TRIM62: variants seen among roughly 807,000 people sequenced by gnomAD.
TRIM62 encodes E3 ubiquitin-protein ligase TRIM62.
In TRIM62, 39 loss-of-function variants were observed where a neutral mutation model predicts 44.2. The ratio of observed to expected loss-of-function variants is 0.88; its 90% CI spans 0.68 to 1.15. The LOEUF (loss-of-function observed/expected upper bound fraction) is 1.15, where lower values mean the gene tolerates loss of function less well. TRIM62 is among the 50% of genes most tolerant of loss of function. The pLI, the probability that TRIM62 is intolerant of heterozygous loss-of-function variation, is 0.00. For synonymous variants in TRIM62, 278 were observed against 292.3 expected (o/e 0.95, Z 0.50); for missense variants, 544 against 665.5 (o/e 0.82, Z 2.01).
In TRIM62 at chr1:33,165,549, T is replaced by G. The variant is rs1645320413; in HGVS notation, c.426A>C (p.Gln142His). 1 of 1,609,362 alleles carries G rather than the reference T, an allele frequency of 6.2e-7. No homozygotes were observed. Reference sequence around the variant, plus strand: ...GCTCGCTGTCTTGAAGGGCCTGAAGTTGGTCCTTCAGCTCCCTCTGAAACA... The same window carrying G: ...GCTCGCTGTCTTGAAGGGCCTGAAGGTGGTCCTTCAGCTCCCTCTGAAACA... ...FDELQRELKDQLQALQDSERE... is the reference protein window; with the variant it reads ...FDELQRELKDHLQALQDSERE... The change falls in exon 2 of 5, where the codon CAA becomes CAC. Residue 142 changes from glutamine (Q) to histidine (H), a missense_variant. Transcript: ENST00000291416. The surrounding 1 kb of genome is among the most constrained non-coding windows in gnomAD (Gnocchi z 4.0).
chr1:33,170,511 G>A (rs911295719), intron 1 of TRIM62, among the ~76,000 whole-genome samples: 13 of 152,166 alleles, frequency 8.5e-5, no homozygotes, highest in African/African-American at 2.4e-4. Context: ...CCCTGGCCTC[G>A]CTGAGTCTTC....
chr1:33,171,845 G>A (rs1289152916), intron 1 of TRIM62, among the ~76,000 whole-genome samples: 2 of 152,046 alleles, frequency 1.3e-5, no homozygotes, highest in Non-Finnish European at 2.9e-5. Context: ...GTAGTGGTGC[G>A]ATCTTGGCTC....
intron 4 of TRIM62, among the ~76,000 whole-genome samples, chr1:33,152,023 A>G (rs1383914369): frequency 6.6e-6 from 1 of 152,246 alleles, no homozygotes; most frequent in Non-Finnish European, 1.5e-5. Flanking sequence ...TCAGTCCCTC[A>G]GATGTACAGG....
chr1:33,165,387 G>C lies in TRIM62; in HGVS notation c.504+84C>G. 1.2e-5 allele frequency: 13 copies of C among 1,117,332 alleles called. No homozygotes were observed. The highest frequency in any genetic ancestry group is 1.6e-5 in the African/African-American group (1 of 64,290). 69.2% of individuals were successfully genotyped at this position (1,117,332 alleles called of 1,614,324 possible). A position where few individuals can be genotyped will look rare whatever the true frequency, so the allele number is the denominator to read the frequency against. ...GTTTCCACCGCACACCCGAGGCCCC[G>C]CCCCTCTTCCCCAGCTGGCCCCGCC... On this transcript the variant is annotated intron_variant, in intron 2 of 4. Coordinates refer to ENST00000291416, the MANE Select transcript of TRIM62 (RefSeq NM_018207.3). This position sits in a 1 kb window ranked among gnomAD's most constrained non-coding sequence, Gnocchi z 4.0.
Position 33,165,508 on chromosome 1 carries a change from G to A in TRIM62, c.467C>T (p.Ala156Val). The change falls in exon 2 of 5, where the codon GCG (alanine) becomes GTG (valine). Residue 156 changes from alanine to valine, a missense_variant. By Grantham distance (64) the Ala-to-Val change is moderately conservative. Coordinates refer to ENST00000291416, the MANE Select transcript of TRIM62 (RefSeq NM_018207.3). The surrounding 1 kb of genome is among the most constrained non-coding windows in gnomAD (Gnocchi z 4.0). ...CAGTTGTCGCTTGAGCAGCTGCAGC[G>A]CTTCGGTGTGTTCCCGCTCGCTGTC... ...LQDSEREHTE[A>V]LQLLKRQLAE... 1 of 1,609,808 alleles carries A rather than the reference G, an allele frequency of 6.2e-7. No homozygotes were observed. Among genetic ancestry groups the A allele is most frequent in the Non-Finnish European group, 8.5e-7 (1 of 1,178,216 alleles).
chr1:33,160,554 G>A (rs924505684), intron 2 of TRIM62, among the ~76,000 whole-genome samples: 1 of 151,946 alleles, frequency 6.6e-6, no homozygotes, highest in Non-Finnish European at 1.5e-5. Flanking sequence ...ACAGGAGCCC[G>A]CCACTATGCC....
intron 1 of TRIM62, among the ~76,000 whole-genome samples, chr1:33,180,809 G>C (rs1472038915): frequency 6.6e-6 from 1 of 152,132 alleles, no homozygotes; most frequent in African/African-American, 2.4e-5. Flanking sequence ...TCAGGGTCCG[G>C]ACTGCCCAAG....
intron 4 of TRIM62, among the ~76,000 whole-genome samples, chr1:33,156,078 C>T (rs912604448): frequency 2.0e-5 from 3 of 152,214 alleles, no homozygotes; most frequent in African/African-American, 7.2e-5. Context: ...ACTGTCTGGG[C>T]TCCCAGCAGA....
At chr1:33,148,223 C>G (rs929018438) in intron 4 of TRIM62, among the ~76,000 whole-genome samples, 5 of 152,184 alleles carry the variant, frequency 3.3e-5, no homozygotes, top group Non-Finnish European at 7.3e-5. Context: ...CTGCCCCACA[C>G]CTTCCCCGAC....
chr1:33,180,062 TCAA>T (rs35515558), intron 1 of TRIM62, among the ~76,000 whole-genome samples: 119,587 of 151,360 alleles, frequency 0.79, 47,369 homozygotes, highest in African/African-American at 0.86. Flanking sequence ...TGAGCAAGGC[TCAA>T]TAAAAGTTGA....
At chr1:33,153,804 A>T (rs1033429440) in intron 4 of TRIM62, among the ~76,000 whole-genome samples, 3 of 152,234 alleles carry the variant, frequency 2.0e-5, no homozygotes, top group Non-Finnish European at 2.9e-5. Context: ...CTATTCTAGA[A>T]ACAGAACTGA....
At chr1:33,157,356 A>C (rs1645193430) in intron 4 of TRIM62, among the ~76,000 whole-genome samples, 1 of 152,072 alleles carries the variant, frequency 6.6e-6, no homozygotes, top group East Asian at 1.9e-4. Context: ...CCATGCCAGG[A>C]GCACTCTTCC....
chr1:33,179,889 A>G (rs1645447112), intron 1 of TRIM62, among the ~76,000 whole-genome samples: 1 of 151,592 alleles, frequency 6.6e-6, no homozygotes. Flanking sequence ...TAATATGCAA[A>G]TGCACACTGA....
intron 1 of TRIM62, among the ~76,000 whole-genome samples, chr1:33,175,404 C>T (rs976494666): frequency 6.6e-6 from 1 of 152,146 alleles, no homozygotes; most frequent in African/African-American, 2.4e-5. Flanking sequence ...TGCCTCATCC[C>T]TCTGAGTGTT....
chr1:33,166,271 T>C (rs1311156485), intron 1 of TRIM62: 1 of 152,194 alleles, frequency 6.6e-6, no homozygotes, highest in Non-Finnish European at 1.5e-5. Context: ...AATGAAATAA[T>C]AATAGAAATA....
At position 33,167,892 on chromosome 1, in the gene TRIM62, G is replaced by C. The variant is rs143502347; in HGVS notation, c.409-2326C>G. The stretch of plus-strand genomic sequence containing the variant: ...TTATTCATTTAAAAAACATTTCTTG[G>C]GCAACTATTATGTACCAGGCACTGT... On this transcript the variant is annotated intron_variant, in intron 1 of 4. Coordinates refer to ENST00000291416, the MANE Select transcript of TRIM62 (RefSeq NM_018207.3). This position sits in a 1 kb window ranked among gnomAD's most constrained non-coding sequence, Gnocchi z 4.2. Among the ~76,000 whole-genome samples, 185 of 152,258 alleles carry C rather than the reference G, an allele frequency of 1.2e-3. 2 individuals carry two copies. The highest frequency in any genetic ancestry group is 4.2e-3 in the African/African-American group (176 of 41,560).
At position 33,159,914 on chromosome 1, in the gene TRIM62, C is replaced by T. The variant is rs200437709; in HGVS notation, c.535G>A (p.Gly179Ser). 28 of 1,607,494 alleles carry T rather than the reference C, an allele frequency of 1.7e-5. No individual in the cohort carries two copies. The highest frequency in any genetic ancestry group is 1.1e-4 in the East Asian group (5 of 44,874). The change falls in exon 3 of 5, where the codon GGC (glycine) becomes AGC (serine). Residue 179 changes from glycine (G) to serine (S), a missense_variant. Coordinates refer to ENST00000291416, the MANE Select transcript of TRIM62 (RefSeq NM_018207.3). The surrounding 1 kb of genome is among the most constrained non-coding windows in gnomAD (Gnocchi z 4.2). Reference protein sequence around the residue: ...SSTKSLRTTIGEAFERLHRLL... With the variant: ...SSTKSLRTTISEAFERLHRLL... Reference sequence around the variant, plus strand: ...CGGTGCAGCCGCTCGAAGGCCTCGCCGATAGTGGTCCGCAGGCTCTTGGTG... The same window carrying T: ...CGGTGCAGCCGCTCGAAGGCCTCGCTGATAGTGGTCCGCAGGCTCTTGGTG...
intron 1 of TRIM62, chr1:33,176,389 A>C (rs1350519608): frequency 1.5e-6 from 1 of 684,842 alleles, no homozygotes; most frequent in Non-Finnish European, 2.7e-6. Flanking sequence ...GTGTCACTGG[A>C]TCACCATACC....
chr1:33,147,604 A>T lies in TRIM62; in HGVS notation c.1001T>A (p.Phe334Tyr), dbSNP rs1478356570. The stretch of plus-strand genomic sequence containing the variant: ...ACCCAGCACCGACACCTCCACATCG[A>T]AGCGCTTTGGCGAGTCCTGCAGTGG... Reference protein sequence around the residue: ...PQPLQDSPKRFDVEVSVLGSE... With the variant: ...PQPLQDSPKRYDVEVSVLGSE... Residue 334 changes from phenylalanine to tyrosine, a missense_variant, in exon 5 of 5, where the codon TTC (phenylalanine) becomes TAC (tyrosine). Phe to Tyr is a conservative substitution (Grantham distance 22). Coordinates refer to ENST00000291416, the MANE Select transcript of TRIM62 (RefSeq NM_018207.3). This position sits in a 1 kb window ranked among gnomAD's most constrained non-coding sequence, Gnocchi z 8.1. 1.9e-6 allele frequency: 3 copies of T among 1,614,076 alleles called. No individual in the cohort carries two copies. The highest frequency in any genetic ancestry group is 1.6e-4 in the Middle Eastern group (1 of 6,062).
Sources: allele counts gnomAD v4.1 joint callset (sites outside exome capture counted in the v4.1 genomes callset), GRCh38; gene constraint gnomAD v4.1.1; non-coding constraint Gnocchi (gnomAD v3.1); transcripts MANE v1.5; gene names NCBI Gene and HGNC (gene_info 2026-07-23, HGNC 2026-07-21).